The following PXMP4 variants were observed in gnomAD, a reference collection of about 807,000 sequenced individuals.
The protein encoded by PXMP4 is 24 kDa peroxisomal intrinsic membrane protein.
A neutral mutation model predicts 21.6 loss-of-function variants in PXMP4; 16 were observed. The ratio of observed to expected loss-of-function variants is 0.74; its 90% CI spans 0.50 to 1.13. PXMP4 has a LOEUF of 1.13. PXMP4 is among the 50% of genes most tolerant of loss of function. The pLI is 0.00. For synonymous variants in PXMP4, 127 were observed against 123.8 expected (o/e 1.03, Z -0.17); for missense variants, 240 against 277.7 (o/e 0.86, Z 0.96).
chr20:33,714,674 CTGCCA>C lies in PXMP4; in HGVS notation c.171_175del (p.Asn57LysfsTer63). On this transcript the variant is annotated frameshift_variant and splice_region_variant, in exon 2 of 4. Coordinates refer to ENST00000409299, the MANE Select transcript of PXMP4 (RefSeq NM_007238.5). LOFTEE classifies it high-confidence loss of function. ...CTCTCCCAGTTTGAGGGATGTGTAC[CTGCCA>C]TTCCGGAAGAGAAAGGTCATGACCA... 1.2e-6 allele frequency: 2 copies of C among 1,613,920 alleles called. No homozygotes were observed. Among genetic ancestry groups the C allele is most frequent in the Non-Finnish European group, 1.7e-6 (2 of 1,179,808 alleles).
At chr20:33,710,530 A>T in intron 3 of PXMP4, 25 bp downstream of exon 3, 1 of 1,348,464 alleles carries the variant, frequency 7.4e-7, no homozygotes, top group East Asian at 3.6e-5. Context: ...CCCCTTCACT[A>T]CCCCCATCTC....
chr20:33,710,625 G>A lies in PXMP4; in HGVS notation c.305C>T (p.Ala102Val), dbSNP rs1242402907. 2 of 1,613,866 alleles carry A rather than the reference G, an allele frequency of 1.2e-6. No homozygotes were observed. ...QSYIQGKTYPAHAFLAAFLGG... is the reference protein window; with the variant it reads ...QSYIQGKTYPVHAFLAAFLGG... ...GAGGAAGGCCGCCAGGAATGCGTGT[G>A]CTGGGTAGGTCTTGCCTTGTATGTA... The change falls in exon 3 of 4, where the codon GCA (alanine) becomes GTA (valine). Residue 102 changes from alanine to valine, a missense_variant. Physicochemically the swap from Ala to Val is moderately conservative, Grantham distance 64 (BLOSUM62 0). Coordinates refer to ENST00000409299, the MANE Select transcript of PXMP4 (RefSeq NM_007238.5).
chr20:33,717,252 A>G (rs1014788178), intron 1 of PXMP4, among the ~76,000 whole-genome samples: 1 of 152,206 alleles, frequency 6.6e-6, no homozygotes, highest in Admixed American at 6.6e-5. Context: ...ACTGCACTGG[A>G]GGAATATATA....
chr20:33,713,242 C>T (rs1475910413), intron 2 of PXMP4, among the ~76,000 whole-genome samples: 1 of 152,166 alleles, frequency 6.6e-6, no homozygotes, highest in Non-Finnish European at 1.5e-5. Flanking sequence ...TGTCCTCTCT[C>T]CCCTTCAGCC....
rs746421678 is a variant in PXMP4, at chr20:33,714,655, C to T, written c.176+19G>A. The T allele has an allele frequency of 1.9e-6, 3 of 1,611,948 alleles. No homozygotes were observed. Among genetic ancestry groups the T allele is most frequent in the African/African-American group, 1.3e-5 (1 of 74,992 alleles). ...ACTGAGGGCTGACCACATTCTCTCC[C>T]AGTTTGAGGGATGTGTACCTGCCAT... On this transcript the variant is annotated intron_variant, in intron 2 of 3. Coordinates refer to ENST00000409299, the MANE Select transcript of PXMP4 (RefSeq NM_007238.5).
chr20:33,712,175 G>A (rs953487567), intron 2 of PXMP4, among the ~76,000 whole-genome samples: 6 of 152,098 alleles, frequency 3.9e-5, no homozygotes, highest in Non-Finnish European at 8.8e-5. Flanking sequence ...CTCTCACCCC[G>A]CGCAAACACA....
intron 3 of PXMP4, among the ~76,000 whole-genome samples, chr20:33,709,800 G>GGT (rs1601203591): frequency 3.3e-5 from 3 of 90,044 alleles, no homozygotes; most frequent in East Asian, 3.9e-4. Flanking sequence ...ACTGAACCAC[G>GGT]CCCCTTCACC....
At chr20:33,709,771 TC>T (rs1244649680) in intron 3 of PXMP4, among the ~76,000 whole-genome samples, 1 of 11,988 alleles carries the variant, frequency 8.3e-5, no homozygotes, top group Non-Finnish European at 1.6e-4. Context: ...ACCACGCCCC[TC>T]CCCACCCCCA....
chr20:33,708,334 C>T (rs997259114), intron 3 of PXMP4, among the ~76,000 whole-genome samples: 1 of 151,350 alleles, frequency 6.6e-6, no homozygotes. Flanking sequence ...TTACAGGTGG[C>T]GCCCACCATG....
chr20:33,707,857 A>G lies in PXMP4; in HGVS notation c.488T>C (p.Val163Ala). Residue 163 changes from valine (V) to alanine (A), a missense_variant, in exon 4 of 4, where the codon GTG (valine) becomes GCG (alanine). Coordinates refer to ENST00000409299, the MANE Select transcript of PXMP4 (RefSeq NM_007238.5). ...WDPFPLLTAV[V>A]WGLVLWLFEY... is the part of the protein sequence containing the mutation. ...AAAGAGCCACAGCACCAGCCCCCAC[A>G]CCACCGCAGTGAGCAGCGGGAACGG... 6.2e-7 allele frequency: 1 copy of G among 1,614,080 alleles called. No homozygotes were observed. Among genetic ancestry groups the G allele is most frequent in the South Asian group, 1.1e-5 (1 of 91,078 alleles).
At chr20:33,718,460 G>A (rs1268049387) in intron 1 of PXMP4, among the ~76,000 whole-genome samples, 1 of 135,682 alleles carries the variant, frequency 7.4e-6, no homozygotes, top group Non-Finnish European at 1.5e-5. Flanking sequence ...GCAGTGAGCC[G>A]AGATTGCGCC....
At position 33,703,742 on chromosome 20, in the gene PXMP4, TG is replaced by T. The variant is rs1412862878; in HGVS notation, c.*3963del. 2.6e-5 allele frequency: 4 copies of T among 151,790 alleles called. No individual in the cohort carries two copies. Among genetic ancestry groups the T allele is most frequent in the Non-Finnish European group, 5.9e-5 (4 of 67,978 alleles). 9.4% of individuals were successfully genotyped at this position (151,790 alleles called of 1,614,324 possible). A position where few individuals can be genotyped will look rare whatever the true frequency, so the allele number is the denominator to read the frequency against. ...GGGTGAGGGATGCGGGCTGTGGGAG[TG>T]GGGGTATTTATCAGTCATTGGTTGA... On this transcript the variant is annotated 3_prime_UTR_variant, in exon 4 of 4. Transcript: ENST00000409299.
At position 33,710,750 on chromosome 20, in the gene PXMP4, G is replaced by A. The variant is rs143062079; in HGVS notation, c.180C>T (p.Leu60=). Residue 60 remains leucine, a synonymous_variant, in exon 3 of 4, where the codon CTC becomes CTT. Coordinates refer to ENST00000409299, the MANE Select transcript of PXMP4 (RefSeq NM_007238.5). ...VMTFLFRNGS[L]QEKLWAILQA... The stretch of plus-strand genomic sequence containing the variant: ...GCAGTATGGCCCACAGCTTCTCCTG[G>A]AGGCTGCACAAACACAGGTGCCCCT... 3.4e-5 allele frequency: 54 copies of A among 1,599,838 alleles called. No homozygotes were observed. In the African/African-American group the frequency reaches 7.0e-4, roughly 21 times the overall value.
rs74547645 is a variant in PXMP4, at chr20:33,710,415, C to T, written c.375+140G>A. The T allele has an allele frequency of 4.0e-5, 14 of 346,074 alleles. No individual in the cohort carries two copies. The East Asian group carries it at 1.1e-3, about 27-fold the overall frequency. 21.4% of individuals were successfully genotyped at this position (346,074 alleles called of 1,614,324 possible). A position where few individuals can be genotyped will look rare whatever the true frequency, so the allele number is the denominator to read the frequency against. On this transcript the variant is annotated intron_variant, in intron 3 of 3. Transcript: ENST00000409299. The stretch of plus-strand genomic sequence containing the variant: ...CCTCCTCTACACTGAACCACGCCCC[C>T]TTCCGTCACCACCTCTGTACTGAAC...
chr20:33,720,298 G>T lies in PXMP4; in HGVS notation c.-91C>A, dbSNP rs935314446. 13 of 1,114,332 alleles carry T rather than the reference G, an allele frequency of 1.2e-5. No homozygotes were observed. Among genetic ancestry groups the T allele is most frequent in the Non-Finnish European group, 1.6e-5 (12 of 771,044 alleles). 69.0% of individuals were successfully genotyped at this position (1,114,332 alleles called of 1,614,324 possible). ...TGCGCGCCCACAGCCCCTCGGTAGC[G>T]CCGCCGACTCGTGGCGTCTATAGGC... On this transcript the variant is annotated 5_prime_UTR_variant, in exon 1 of 4. Transcript: ENST00000409299.
chr20:33,710,885 T>C, intron 2 of PXMP4, 132 bp from the exon 3 acceptor site: 1 of 855,060 alleles, frequency 1.2e-6, no homozygotes, highest in Non-Finnish European at 1.8e-6. Context: ...CCTCTACCCT[T>C]CATGTTCTCT....
At chr20:33,719,053 AC>A (rs2018418065) in intron 1 of PXMP4, among the ~76,000 whole-genome samples, 1 of 152,022 alleles carries the variant, frequency 6.6e-6, no homozygotes, top group African/African-American at 2.4e-5. Flanking sequence ...GTGACACTAC[AC>A]CCGGCTAATT....
intron 1 of PXMP4, 87 bp from the exon 2 acceptor site, chr20:33,714,823 C>G: frequency 7.6e-7 from 1 of 1,319,266 alleles, no homozygotes; most frequent in Non-Finnish European, 1.1e-6. Context: ...TGTTCTCTCC[C>G]CCCATCCCAA....
intron 2 of PXMP4, 136 bp from the exon 3 acceptor site, chr20:33,710,889 G>C (rs2018319595): frequency 2.4e-6 from 2 of 839,622 alleles, no homozygotes; most frequent in East Asian, 5.5e-5. Flanking sequence ...TACCCTTCAT[G>C]TTCTCTCCCT....
Sources: gnomAD v4.1 joint callset for allele counts (sites outside exome capture counted in the v4.1 genomes callset) on GRCh38, gnomAD v4.1.1 for gene constraint, MANE v1.5 for transcripts, NCBI Gene and HGNC (gene_info 2026-07-23, HGNC 2026-07-21) for gene names.